The following MTO1 variants were observed in gnomAD, a reference collection of about 807,000 sequenced individuals.
The protein encoded by MTO1 is 5-taurinomethyluridine-[tRNA] synthase subunit MTO1, mitochondrial.
MTO1 carries 46 observed loss-of-function variants against 71.6 expected under a neutral mutation model. That is an observed-to-expected ratio of 0.64 (90% CI 0.51 to 0.82). The LOEUF is 0.82. Ranked by LOEUF, MTO1 falls within the 40% of genes least tolerant of loss-of-function variation. MTO1 has a pLI of 0.00. For synonymous variants in MTO1, 297 were observed against 312.1 expected (o/e 0.95, Z 0.51); for missense variants, 773 against 867.5 (o/e 0.89, Z 1.37).
chr6:73,500,718 CAAGAGA>C lies in MTO1; in HGVS notation c.2063_2068del (p.Gln688_Glu689del). 2 of 1,594,234 alleles carry C rather than the reference CAAGAGA, an allele frequency of 1.3e-6. No individual in the cohort carries two copies. The highest frequency in any genetic ancestry group is 1.7e-6 in the Non-Finnish European group (2 of 1,171,296). On this transcript the variant is annotated inframe_deletion, in exon 12 of 12. Transcript: ENST00000498286. ...ATACTTATGTGATGCAGACAGACTTCAAGAGAGAGAGTTATAGCTTTCAATTCATAA... is the reference window on the plus strand; with the variant it reads ...ATACTTATGTGATGCAGACAGACTTCGAGAGTTATAGCTTTCAATTCATAA...
chr6:73,470,744 G>A (rs755073418), intron 3 of MTO1, among the ~76,000 whole-genome samples: 6 of 151,984 alleles, frequency 3.9e-5, no homozygotes, highest in African/African-American at 9.7e-5. Flanking sequence ...ACCTGAGGTC[G>A]GGAGTTTGAG....
At chr6:73,464,991 G>T (rs1770943199) in intron 1 of MTO1, among the ~76,000 whole-genome samples, 1 of 151,908 alleles carries the variant, frequency 6.6e-6, no homozygotes, top group African/African-American at 2.4e-5. Context: ...GGTAAGACTG[G>T]GTAAATGTAA....
intron 4 of MTO1, 132 bp downstream of exon 4, chr6:73,473,786 ATTTTTTT>A: frequency 4.3e-6 from 2 of 460,446 alleles, no homozygotes; most frequent in East Asian, 4.4e-5. Flanking sequence ...CAAAGAAATG[ATTTTTTT>A]TTTTTTTTTT....
At chr6:73,469,841 A>G (rs1308613898) in intron 3 of MTO1, among the ~76,000 whole-genome samples, 2 of 152,032 alleles carry the variant, frequency 1.3e-5, no homozygotes, top group South Asian at 2.1e-4. Flanking sequence ...CCCCGTCTCT[A>G]CTAAAAATAC....
rs747635777 is a variant in MTO1 at position 73,481,061 on chromosome 6, TC to T, written c.1260+258del. 6.3e-5 allele frequency: 27 copies of T among 431,072 alleles called. No homozygotes were observed. In the East Asian group the frequency reaches 7.8e-4, roughly 12 times the overall value. 26.7% of individuals were successfully genotyped at this position (431,072 alleles called of 1,614,324 possible). A position where few individuals can be genotyped will look rare whatever the true frequency, so the allele number is the denominator to read the frequency against. On this transcript the variant is annotated intron_variant, in intron 7 of 11. Coordinates refer to ENST00000498286, the MANE Select transcript of MTO1 (RefSeq NM_012123.4). Reference sequence around the variant, plus strand: ...ATGATCTCCCAGCTTCAAGCGATCCTCCTGCCTCAGCCCTCCCTAGTAGCTG... The same window carrying T: ...ATGATCTCCCAGCTTCAAGCGATCCTCTGCCTCAGCCCTCCCTAGTAGCTG...
intron 3 of MTO1, among the ~76,000 whole-genome samples, chr6:73,471,278 A>G (rs945592261): frequency 6.6e-6 from 1 of 151,288 alleles, no homozygotes; most frequent in East Asian, 1.9e-4. Context: ...ATAATATAAT[A>G]TGCTCACTGA....
rs1351045114 is a variant in MTO1, at chr6:73,461,977, C to T, written c.123C>T (p.Val41=). The change falls in exon 1 of 12, where the codon GTC becomes GTT. Residue 41 remains valine, a synonymous_variant. Coordinates refer to ENST00000498286, the MANE Select transcript of MTO1 (RefSeq NM_012123.4). ...APRTPHFDVI[V]IGGGHAGTEA... The stretch of plus-strand genomic sequence containing the variant: ...GGACTCCGCACTTCGACGTGATAGT[C>T]ATTGGTGGAGGACATGCCGGGACTG... 5 of 1,614,216 alleles carry T rather than the reference C, an allele frequency of 3.1e-6. No individual in the cohort carries two copies. The highest frequency in any genetic ancestry group is 2.2e-5 in the South Asian group (2 of 91,082).
intron 10 of MTO1, among the ~76,000 whole-genome samples, chr6:73,497,277 C>T (rs1772013802): frequency 6.7e-6 from 1 of 148,180 alleles, no homozygotes; most frequent in Admixed American, 6.9e-5. Context: ...CTCAGCCTCC[C>T]GAGTAGCTGG....
At chr6:73,465,940 T>A (rs1407106910) in intron 1 of MTO1, among the ~76,000 whole-genome samples, 2 of 152,092 alleles carry the variant, frequency 1.3e-5, no homozygotes, top group African/African-American at 4.8e-5. Context: ...GCCGAGATTG[T>A]ACCACTGCAC....
intron 3 of MTO1, 49 bp downstream of exon 3, chr6:73,466,655 T>C (rs1771007068): frequency 2.0e-6 from 3 of 1,508,222 alleles, no homozygotes; most frequent in South Asian, 1.1e-5. Context: ...TCAAATTCCA[T>C]GTGAGAAATT....
intron 9 of MTO1, among the ~76,000 whole-genome samples, chr6:73,491,160 A>G (rs1011326509): frequency 5.9e-5 from 9 of 152,282 alleles, no homozygotes; most frequent in South Asian, 2.1e-4. Context: ...GGCATTGGCC[A>G]TGGAGGCTTT....
intron 11 of MTO1, among the ~76,000 whole-genome samples, chr6:73,499,109 A>T (rs961627120): frequency 2.6e-5 from 4 of 152,154 alleles, no homozygotes; most frequent in South Asian, 2.1e-4. Flanking sequence ...TCATAAAATA[A>T]AGGGGCATAT....
chr6:73,478,017 A>G (rs887796828), intron 4 of MTO1, among the ~76,000 whole-genome samples: 39 of 151,992 alleles, frequency 2.6e-4, no homozygotes, highest in Non-Finnish European at 1.3e-4. Context: ...TTGGGAGGCC[A>G]AGGCAGGTGG....
At chr6:73,475,778 T>C (rs950474021) in intron 4 of MTO1, among the ~76,000 whole-genome samples, 1 of 151,858 alleles carries the variant, frequency 6.6e-6, no homozygotes, top group Admixed American at 6.6e-5. Context: ...TCCCAAAGTG[T>C]TGGGATTACA....
chr6:73,465,449 C>T (rs1770958239), intron 1 of MTO1, among the ~76,000 whole-genome samples: 1 of 151,912 alleles, frequency 6.6e-6, no homozygotes, highest in African/African-American at 2.4e-5. Flanking sequence ...CAGGCGTGAG[C>T]CACCACACCC....
At chr6:73,496,781 A>T (rs1348305997) in intron 10 of MTO1, among the ~76,000 whole-genome samples, 1 of 151,878 alleles carries the variant, frequency 6.6e-6, no homozygotes, top group Non-Finnish European at 1.5e-5. Context: ...TCAGCCGGGC[A>T]TGGTGGCTCA....
At chr6:73,491,389 G>T (rs1199720729) in intron 9 of MTO1, among the ~76,000 whole-genome samples, 2 of 136,630 alleles carry the variant, frequency 1.5e-5, no homozygotes, top group South Asian at 2.2e-4. Flanking sequence ...ACAAAACCCT[G>T]TCTCTACAAA....
At chr6:73,496,660 G>A (rs543323936) in intron 10 of MTO1, among the ~76,000 whole-genome samples, 140 of 126,722 alleles carry the variant, frequency 1.1e-3, no homozygotes, top group African/African-American at 4.0e-3. Flanking sequence ...TCCCCAGAGT[G>A]TGATGTTCCC....
chr6:73,480,576 G>A (rs1561945995), intron 6 of MTO1, 99 bp from the exon 7 acceptor site: 73 of 1,452,908 alleles, frequency 5.0e-5, no homozygotes, highest in Non-Finnish European at 6.8e-5. Flanking sequence ...GACCTAAATA[G>A]TCTGTTTTTA....
Sources: gnomAD v4.1 joint callset for allele counts (sites outside exome capture counted in the v4.1 genomes callset) on GRCh38, gnomAD v4.1.1 for gene constraint, MANE v1.5 for transcripts, NCBI Gene and HGNC (gene_info 2026-07-23, HGNC 2026-07-21) for gene names.